The following ANP32B variants were observed in gnomAD, a reference collection of about 807,000 sequenced individuals.
The protein encoded by ANP32B is acidic leucine-rich nuclear phosphoprotein 32 family member B.
Under a neutral mutation model 32.2 loss-of-function variants are expected in ANP32B, and 6 were observed. That is an observed-to-expected ratio of 0.19 (90% CI 0.10 to 0.37). The LOEUF is 0.37. Ranked by LOEUF, ANP32B falls within the 10% of genes least tolerant of loss-of-function variation. The pLI is 1.00. For synonymous variants in ANP32B, 98 were observed against 105.8 expected, an observed-to-expected ratio of 0.93 and a Z score of 0.45; for missense variants, 204 against 289.2, an observed-to-expected ratio of 0.71 and a Z score of 2.14.
chr9:97,989,385 G>T (rs925373146), intron 1 of ANP32B, among the ~76,000 whole-genome samples: 1 of 152,132 alleles, frequency 6.6e-6, no homozygotes, highest in African/African-American at 2.4e-5. Context: ...TCATTTTTAA[G>T]TGTTTACCTT....
intron 1 of ANP32B, among the ~76,000 whole-genome samples, chr9:97,992,971 C>T (rs2131583327): frequency 6.6e-6 from 1 of 152,290 alleles, no homozygotes; most frequent in South Asian, 2.1e-4. Context: ...CGCACAAGTT[C>T]TGAGTGGCAG....
chr9:97,987,456 CACTG>C (rs1266138822), intron 1 of ANP32B: 1 of 152,216 alleles, frequency 6.6e-6, no homozygotes, highest in East Asian at 1.9e-4. Flanking sequence ...AATGAGAAGA[CACTG>C]ACATGCAGTA....
intron 4 of ANP32B, among the ~76,000 whole-genome samples, chr9:98,007,350 A>G (rs1001226291): frequency 3.3e-5 from 5 of 152,250 alleles, no homozygotes; most frequent in African/African-American, 1.2e-4. Context: ...AGCTAGCACC[A>G]TAACTAGATG....
intron 5 of ANP32B, 150 bp downstream of exon 5, chr9:98,011,539 G>C (rs1828185913): frequency 1.6e-6 from 2 of 1,237,778 alleles, no homozygotes; most frequent in Admixed American, 3.0e-5. Flanking sequence ...GGTTAATTTA[G>C]TGTTTGTCTG....
rs1032404959 is a variant in ANP32B at position 98,015,418 on chromosome 9, GAGA to G, written c.747_749del (p.Glu249del). The G allele has an allele frequency of 5.8e-6, 9 of 1,549,764 alleles. No homozygotes were observed. Among genetic ancestry groups the G allele is most frequent in the Non-Finnish European group, 7.0e-6 (8 of 1,146,740 alleles). ...AGGAAGAGAGAAACAGATGATGAAG[GAGA>G]AGATGATTAAGACCCCAGATGACCT... On this transcript the variant is annotated inframe_deletion, in exon 7 of 7. Transcript: ENST00000339399.
chr9:97,988,454 G>C (rs928118756), intron 1 of ANP32B, among the ~76,000 whole-genome samples: 3 of 152,190 alleles, frequency 2.0e-5, no homozygotes, highest in East Asian at 1.9e-4. Context: ...GCTGGGCACA[G>C]TGGCTCGTGC....
rs1828273930 is a variant in ANP32B, at chr9:98,015,928, G to A, written c.*497G>A. ...TTTAAGAATTTAAGCGAAATAAACA[G>A]TTACTCTTTGGTAAAGCCTAGTTGT... On this transcript the variant is annotated 3_prime_UTR_variant, in exon 7 of 7. Transcript: ENST00000339399. The A allele has an allele frequency of 3.1e-6, 3 of 982,498 alleles. No homozygotes were observed. The African/African-American group carries it at 5.2e-5, about 17-fold the overall frequency. 60.9% of individuals were successfully genotyped at this position (982,498 alleles called of 1,614,324 possible). A position where few individuals can be genotyped will look rare whatever the true frequency, so the allele number is the denominator to read the frequency against.
chr9:97,994,729 T>C lies in ANP32B; in HGVS notation c.153T>C (p.Asn51=). ...ACTTAGAGTTCCTCAGTTTAATAAATGTAGGCTTGATCTCAGTTTCAAATC... is the reference window on the plus strand; with the variant it reads ...ACTTAGAGTTCCTCAGTTTAATAAACGTAGGCTTGATCTCAGTTTCAAATC... ...FVNLEFLSLI[N]VGLISVSNLP... Residue 51 remains asparagine, a synonymous_variant, in exon 2 of 7, where the codon AAT becomes AAC. Coordinates refer to ENST00000339399, the MANE Select transcript of ANP32B (RefSeq NM_006401.3). 6.2e-7 allele frequency: 1 copy of C among 1,611,084 alleles called. No individual in the cohort carries two copies. The highest frequency in any genetic ancestry group is 1.3e-5 in the African/African-American group (1 of 74,934).
intron 1 of ANP32B, among the ~76,000 whole-genome samples, chr9:97,985,068 C>T (rs1328195565): frequency 3.4e-5 from 5 of 149,062 alleles, no homozygotes; most frequent in Admixed American, 6.6e-5. Context: ...CGTCGCGAGC[C>T]CCCCCCCCGC....
intron 1 of ANP32B, among the ~76,000 whole-genome samples, chr9:97,988,499 T>G (rs907583236): frequency 8.6e-5 from 13 of 151,512 alleles, no homozygotes; most frequent in African/African-American, 2.7e-4. Context: ...CAGAGGAGGG[T>G]GGGTCACCTG....
chr9:97,995,514 G>A (rs1671267283), intron 2 of ANP32B, among the ~76,000 whole-genome samples: 1 of 152,164 alleles, frequency 6.6e-6, no homozygotes, highest in African/African-American at 2.4e-5. Context: ...TCAAACTTGG[G>A]CAAAGGTAGG....
intron 3 of ANP32B, 110 bp from the exon 4 acceptor site, chr9:98,004,854 T>G: frequency 2.7e-6 from 2 of 753,442 alleles, no homozygotes; most frequent in Non-Finnish European, 4.2e-6. Context: ...TGAGGCTGAG[T>G]GGGTAGTGGA....
chr9:98,015,485 TG>T lies in ANP32B; in HGVS notation c.*56del, dbSNP rs1340811155. The T allele has an allele frequency of 6.6e-7, 1 of 1,524,514 alleles. No homozygotes were observed. Among genetic ancestry groups the T allele is most frequent in the East Asian group, 2.5e-5 (1 of 40,648 alleles). 94.4% of individuals were successfully genotyped at this position (1,524,514 alleles called of 1,614,324 possible). Reference sequence around the variant, plus strand: ...TGTTCAGTATTGGTTGGACTGCTCATGGATTTTGTAGCTGTTTAAAAAAAAA... The same window carrying T: ...TGTTCAGTATTGGTTGGACTGCTCATGATTTTGTAGCTGTTTAAAAAAAAA... On this transcript the variant is annotated 3_prime_UTR_variant, in exon 7 of 7. Transcript: ENST00000339399.
At chr9:98,010,108 G>A (rs1048045434) in intron 4 of ANP32B, among the ~76,000 whole-genome samples, 3 of 152,078 alleles carry the variant, frequency 2.0e-5, no homozygotes, top group African/African-American at 4.8e-5. Context: ...ACATTCCTTG[G>A]AAGGTGGGGG....
At chr9:97,987,857 A>G (rs1016503925) in intron 1 of ANP32B, among the ~76,000 whole-genome samples, 1 of 152,054 alleles carries the variant, frequency 6.6e-6, no homozygotes, top group Non-Finnish European at 1.5e-5. Flanking sequence ...TGTTGTGTCT[A>G]CTGTGATGTA....
At chr9:97,985,541 C>A (rs1827711428) in intron 1 of ANP32B, among the ~76,000 whole-genome samples, 3 of 152,210 alleles carry the variant, frequency 2.0e-5, no homozygotes, top group African/African-American at 2.4e-5. Flanking sequence ...CCAGACTTTT[C>A]CATTGCGGCG....
chr9:97,985,546 G>A (rs1301416390), intron 1 of ANP32B, among the ~76,000 whole-genome samples: 1 of 152,178 alleles, frequency 6.6e-6, no homozygotes, highest in Non-Finnish European at 1.5e-5. Flanking sequence ...CTTTTCCATT[G>A]CGGCGTAATT....
At chr9:97,997,857 C>T (rs555078015) in intron 2 of ANP32B, among the ~76,000 whole-genome samples, 2 of 152,306 alleles carry the variant, frequency 1.3e-5, no homozygotes, top group East Asian at 1.9e-4. Flanking sequence ...GGTGAAGGCT[C>T]ATTCCCTCAT....
At chr9:98,006,678 A>C (rs1828088672) in intron 4 of ANP32B, among the ~76,000 whole-genome samples, 1 of 152,156 alleles carries the variant, frequency 6.6e-6, no homozygotes, top group Admixed American at 6.5e-5. Flanking sequence ...AAGCTATCCA[A>C]CAAAGCCATG....
Sources: gnomAD v4.1 joint callset for allele counts (sites outside exome capture counted in the v4.1 genomes callset) on GRCh38, gnomAD v4.1.1 for gene constraint, MANE v1.5 for transcripts, NCBI Gene and HGNC (gene_info 2026-07-23, HGNC 2026-07-21) for gene names.